The following RBFOX1 variants were observed in gnomAD, a reference collection of about 807,000 sequenced individuals.
RBFOX1 encodes the protein RNA binding protein fox-1 homolog 1.
A neutral mutation model predicts 57.7 loss-of-function variants in RBFOX1; 8 were observed. The ratio of observed to expected loss-of-function variants is 0.14; its 90% CI spans 0.08 to 0.25. The LOEUF (loss-of-function observed/expected upper bound fraction) is 0.25. Among genes scored for constraint, RBFOX1 ranks in the 10% least tolerant of loss-of-function variants. The probability of loss-of-function intolerance (pLI) is 1.00; values close to 1 mark genes in which losing one functional copy is unlikely to be tolerated. For missense variants in RBFOX1, 611 were observed against 548.5 expected (o/e 1.11, Z -1.14); for synonymous variants, 326 against 222.4 (o/e 1.47, Z -4.15).
At position 5,675,087 on chromosome 16, in the gene RBFOX1, G is replaced by A. The variant is rs532364909; in HGVS notation, c.318+76126G>A. On this transcript the variant is annotated intron_variant, in intron 3 of 19. Coordinates refer to the RBFOX1 transcript ENST00000641259. ...TGCTTGAGCCCAAGAGGTCAAGGCT[G>A]CAGTGAGCTGTGATTGCACCAGTAC... 2.0e-5 allele frequency among the ~76,000 whole-genome samples: 3 copies of A among 152,260 alleles called. No homozygotes were observed. The East Asian group carries it at 5.8e-4, about 29-fold the overall frequency.
At chr16:7,537,320 G>C (rs912500092) in intron 5 of RBFOX1, among the ~76,000 whole-genome samples, 1 of 152,168 alleles carries the variant, frequency 6.6e-6, no homozygotes, top group African/African-American at 2.4e-5. Context: ...CACACCTGTG[G>C]ACTTTTGTGA....
At chr16:5,502,863 G>A (rs1412707344) in intron 2 of RBFOX1, among the ~76,000 whole-genome samples, 1 of 152,208 alleles carries the variant, frequency 6.6e-6, no homozygotes, top group African/African-American at 2.4e-5. Flanking sequence ...GGAGACCAGA[G>A]CACAGGAGCA....
At chr16:6,631,520 T>C (rs376611388) in intron 2 of RBFOX1, among the ~76,000 whole-genome samples, 3 of 151,860 alleles carry the variant, frequency 2.0e-5, no homozygotes, top group African/African-American at 4.8e-5. Flanking sequence ...TGAACAAATA[T>C]TAAGTGGAGG....
At chr16:5,277,559 C>G (rs567925821) in intron 1 of RBFOX1, among the ~76,000 whole-genome samples, 1 of 152,296 alleles carries the variant, frequency 6.6e-6, no homozygotes, top group East Asian at 1.9e-4. Context: ...AACCTCTTTT[C>G]AAACCCCTCC....
intron 1 of RBFOX1, among the ~76,000 whole-genome samples, chr16:5,376,701 C>G (rs145206373): frequency 3.4e-5 from 5 of 147,318 alleles, no homozygotes; most frequent in Admixed American, 1.3e-4. Context: ...CCCCTTGGAA[C>G]TCATCGTCTT....
chr16:5,366,137 C>T, intron 1 of RBFOX1: 1 of 435,918 alleles, frequency 2.3e-6, no homozygotes, highest in South Asian at 1.8e-5. Context: ...ATGGACAGCA[C>T]TTTGTACCTG....
intron 1 of RBFOX1, among the ~76,000 whole-genome samples, chr16:6,271,740 T>A (rs2075243783): frequency 6.6e-6 from 1 of 152,216 alleles, no homozygotes; most frequent in Admixed American, 6.5e-5. Context: ...AACCATCATA[T>A]TTTACTCACT....
chr16:6,825,559 G>A (rs1287196287), intron 3 of RBFOX1, among the ~76,000 whole-genome samples: 1 of 152,082 alleles, frequency 6.6e-6, no homozygotes, highest in African/African-American at 2.4e-5. Flanking sequence ...AGGTACCTAC[G>A]CACGTGTGAA....
intron 6 of RBFOX1, among the ~76,000 whole-genome samples, chr16:7,580,773 G>A (rs2093698798): frequency 6.6e-6 from 1 of 152,310 alleles, no homozygotes; most frequent in Non-Finnish European, 1.5e-5. Context: ...AGCTGTGACA[G>A]GGCTTGGATA....
chr16:5,348,119 C>T (rs2065184768), intron 1 of RBFOX1, among the ~76,000 whole-genome samples: 1 of 150,702 alleles, frequency 6.6e-6, no homozygotes, highest in Non-Finnish European at 1.5e-5. Flanking sequence ...TCTGTCCATC[C>T]ATCCACCCAC....
intron 3 of RBFOX1, among the ~76,000 whole-genome samples, chr16:6,734,979 T>TA (rs202002374): frequency 4.0e-5 from 6 of 151,736 alleles, no homozygotes; most frequent in African/African-American, 9.7e-5. Context: ...GTTTCTATAA[T>TA]TTTTTTTTAA....
At chr16:7,451,782 C>T (rs1342206177) in intron 4 of RBFOX1, among the ~76,000 whole-genome samples, 1 of 147,864 alleles carries the variant, frequency 6.8e-6, no homozygotes, top group African/African-American at 2.5e-5. Context: ...AAATTTGTGT[C>T]AGCTTCAGCT....
At chr16:7,253,346 C>A (rs941758158) in intron 4 of RBFOX1, among the ~76,000 whole-genome samples, 26 of 152,062 alleles carry the variant, frequency 1.7e-4, no homozygotes, top group African/African-American at 6.3e-4. Flanking sequence ...GGAGACATGT[C>A]AGGCTTTGGT....
Position 7,478,666 on chromosome 16 carries a change from G to A in RBFOX1, c.28-39481G>A, listed in dbSNP as rs952876434. Among the ~76,000 whole-genome samples the A allele has an allele frequency of 4.6e-5, 7 of 152,042 alleles. No homozygotes were observed. The East Asian group carries it at 5.8e-4, about 13-fold the overall frequency. On this transcript the variant is annotated intron_variant, in intron 4 of 15. Transcript: ENST00000550418. ...CAGAAGCCACTTTTGCCAGCTTTCC[G>A]CTATATGCAACAAAAACCTCAACCT... is the stretch of plus-strand genomic sequence containing the variant.
chr16:6,616,019 A>T (rs963151264), intron 2 of RBFOX1, among the ~76,000 whole-genome samples: 3 of 152,122 alleles, frequency 2.0e-5, no homozygotes, highest in African/African-American at 7.2e-5. Flanking sequence ...AGACGCAGGG[A>T]CACTGCCCAG....
At chr16:5,469,588 C>G (rs1394796346) in intron 2 of RBFOX1, among the ~76,000 whole-genome samples, 3 of 152,128 alleles carry the variant, frequency 2.0e-5, no homozygotes, top group Non-Finnish European at 4.4e-5. Context: ...AATGCGGTGC[C>G]ACCATACCTT....
At chr16:5,537,007 T>G (rs1192187775) in intron 2 of RBFOX1, among the ~76,000 whole-genome samples, 1 of 152,202 alleles carries the variant, frequency 6.6e-6, no homozygotes, top group Non-Finnish European at 1.5e-5. Flanking sequence ...ACAAGGATCA[T>G]CTTCTCCCCA....
At chr16:5,867,338 A>G in intron 4 of RBFOX1, 10 of 1,204,066 alleles carry the variant, frequency 8.3e-6, no homozygotes, top group Non-Finnish European at 1.0e-5. Context: ...AAGCTGAGGT[A>G]GGAAACGTGG....
intron 2 of RBFOX1, among the ~76,000 whole-genome samples, chr16:5,483,025 C>T (rs2069599647): frequency 6.6e-6 from 1 of 152,196 alleles, no homozygotes; most frequent in Admixed American, 6.5e-5. Context: ...TCATCTATCG[C>T]AGTCAATAAA....
Sources: allele counts gnomAD v4.1 joint callset (sites outside exome capture counted in the v4.1 genomes callset), GRCh38; gene constraint gnomAD v4.1.1; transcripts MANE v1.5; gene names NCBI Gene and HGNC (gene_info 2026-07-23, HGNC 2026-07-21).